AKAP19: variants seen among roughly 807,000 people sequenced by gnomAD.
The protein encoded by AKAP19 is small A-kinase anchoring protein.
the AKAP19 span, among the ~76,000 whole-genome samples, chr2:189,943,918 T>C: frequency 6.6e-6 from 1 of 152,254 alleles, no homozygotes; most frequent in African/African-American, 2.4e-5. Context: ...ACTCAGTGCT[T>C]ATACCTCCGA....
the AKAP19 span, among the ~76,000 whole-genome samples, chr2:190,187,294 A>G: frequency 6.6e-6 from 1 of 152,210 alleles, no homozygotes; most frequent in African/African-American, 2.4e-5. Flanking sequence ...AGGCTTAAGA[A>G]TATGACATAA....
chr2:190,160,427 T>G, the AKAP19 span, among the ~76,000 whole-genome samples: 1 of 151,778 alleles, frequency 6.6e-6, no homozygotes, highest in African/African-American at 2.4e-5. Context: ...AATATTAGTC[T>G]CTTGGCCTTT....
At chr2:189,932,347 G>T in the AKAP19 span, among the ~76,000 whole-genome samples, 1 of 148,640 alleles carries the variant, frequency 6.7e-6, no homozygotes, top group African/African-American at 2.5e-5. Context: ...GGTGGAGGTT[G>T]CAGTGAGCCG....
the AKAP19 span, among the ~76,000 whole-genome samples, chr2:190,115,260 CAT>C: frequency 0.025 from 273 of 11,142 alleles, 2 homozygotes; most frequent in Non-Finnish European, 0.029. Context: ...AGGCAAGAAG[CAT>C]ATATATATAT....
the AKAP19 span, among the ~76,000 whole-genome samples, chr2:190,002,554 T>TA: frequency 1.3e-5 from 2 of 151,698 alleles, no homozygotes; most frequent in Non-Finnish European, 2.9e-5. Flanking sequence ...ATAATAAATT[T>TA]AAAAAAAGAA....
At chr2:189,953,628 C>T in the AKAP19 span, among the ~76,000 whole-genome samples, 7 of 135,254 alleles carry the variant, frequency 5.2e-5, no homozygotes, top group African/African-American at 1.6e-4. Flanking sequence ...GAGTGAAACT[C>T]CATCTCAAAA....
At chr2:190,200,089 T>C in the AKAP19 span, 6 of 1,614,060 alleles carry the variant, frequency 3.7e-6, no homozygotes, top group Non-Finnish European at 5.1e-6. Flanking sequence ...CTTGCAGCAA[T>C]GGGCATGCAA....
chr2:190,098,823 C>T, the AKAP19 span, among the ~76,000 whole-genome samples: 1 of 152,240 alleles, frequency 6.6e-6, no homozygotes, highest in Non-Finnish European at 1.5e-5. Flanking sequence ...GGCTAACTAA[C>T]TTACTGCAGC....
chr2:189,973,248 T>G, the AKAP19 span, among the ~76,000 whole-genome samples: 4 of 152,132 alleles, frequency 2.6e-5, no homozygotes, highest in Non-Finnish European at 5.9e-5. Context: ...AATCATGTGT[T>G]TTTTTGTCTT....
At chr2:189,930,374 T>A in the AKAP19 span, 1 of 417,888 alleles carries the variant, frequency 2.4e-6, no homozygotes, top group South Asian at 3.1e-5. Flanking sequence ...TAGATGTACA[T>A]GCACGGTAGA....
At chr2:189,989,094 T>A in the AKAP19 span, among the ~76,000 whole-genome samples, 1 of 152,212 alleles carries the variant, frequency 6.6e-6, no homozygotes, top group Non-Finnish European at 1.5e-5. Flanking sequence ...AAATAAACAT[T>A]TTGTTAGCCA....
the AKAP19 span, chr2:190,199,630 ATGCCACTC>A: frequency 1.0e-6 from 1 of 975,660 alleles, no homozygotes. Context: ...GGATTTTTAC[ATGCCACTC>A]AATCATACAC....
the AKAP19 span, among the ~76,000 whole-genome samples, chr2:190,029,020 A>T: frequency 6.6e-6 from 1 of 151,834 alleles, no homozygotes; most frequent in Non-Finnish European, 1.5e-5. Context: ...GAGATATTCG[A>T]GTGTGGTGAG....
At chr2:190,045,751 C>T in the AKAP19 span, among the ~76,000 whole-genome samples, 3 of 152,326 alleles carry the variant, frequency 2.0e-5, no homozygotes, top group South Asian at 6.2e-4. Flanking sequence ...TGTCGCTGCT[C>T]AGCAGCCTCA....
chr2:189,932,707 C>CAAA, the AKAP19 span, among the ~76,000 whole-genome samples: 110 of 113,680 alleles, frequency 9.7e-4, no homozygotes, highest in African/African-American at 2.6e-3. Flanking sequence ...CCCTCTCTTT[C>CAAA]AAAAAAAAAA....
chr2:190,044,665 G>C, the AKAP19 span, among the ~76,000 whole-genome samples: 2 of 152,164 alleles, frequency 1.3e-5, no homozygotes, highest in African/African-American at 4.8e-5. Context: ...ACTAGAATGG[G>C]CACCCATGTA....
the AKAP19 span, among the ~76,000 whole-genome samples, chr2:190,187,370 T>C: frequency 6.6e-6 from 1 of 151,692 alleles, no homozygotes; most frequent in Non-Finnish European, 1.5e-5. Flanking sequence ...TCTGGGGAGT[T>C]AGCAGCCTAT....
At chr2:189,942,827 G>T in the AKAP19 span, among the ~76,000 whole-genome samples, 1 of 152,236 alleles carries the variant, frequency 6.6e-6, no homozygotes, top group African/African-American at 2.4e-5. Flanking sequence ...TCATAGTGAT[G>T]ATTTAGGGTA....
chr2:189,958,422 CGTATAAATTG>C, the AKAP19 span, among the ~76,000 whole-genome samples: 1 of 150,452 alleles, frequency 6.6e-6, no homozygotes, highest in Non-Finnish European at 1.5e-5. Context: ...TGCTGATGAG[CGTATAAATTG>C]GTAAAAAGCA....
Sources: gnomAD v4.1 joint callset for allele counts (sites outside exome capture counted in the v4.1 genomes callset) on GRCh38, gnomAD v4.1.1 for gene constraint, MANE v1.5 for transcripts, NCBI Gene and HGNC (gene_info 2026-07-23, HGNC 2026-07-21) for gene names.